Variants in RPA1 observed in about 807,000 individuals in gnomAD.
RPA1 encodes replication protein A1.
A neutral mutation model predicts 83.0 loss-of-function variants in RPA1; 49 were observed. The observed-to-expected ratio is 0.59, with a 90% CI of 0.47 to 0.75. The LOEUF (loss-of-function observed/expected upper bound fraction) is 0.75, where lower values mean the gene tolerates loss of function less well. RPA1 is among the 30% of genes least tolerant of loss of function. RPA1 has a pLI of 0.00. For missense variants in RPA1, 693 were observed against 776.1 expected (o/e 0.89, Z 1.27); for synonymous variants, 279 against 281.8 (o/e 0.99, Z 0.10).
chr17:1,836,702 C>A (rs1452771884), intron 1 of RPA1, among the ~76,000 whole-genome samples: 4 of 151,748 alleles, frequency 2.6e-5, no homozygotes, highest in African/African-American at 9.7e-5. Flanking sequence ...GTCTCTGTCA[C>A]CCAGGCTGGA....
At chr17:1,863,635 G>C (rs960667777) in intron 5 of RPA1, among the ~76,000 whole-genome samples, 1 of 152,226 alleles carries the variant, frequency 6.6e-6, no homozygotes, top group African/African-American at 2.4e-5. Flanking sequence ...GATTACGAAC[G>C]TGAGCCCCTG....
chr17:1,882,491 C>CA (rs1468939312), intron 12 of RPA1, among the ~76,000 whole-genome samples: 1 of 151,672 alleles, frequency 6.6e-6, no homozygotes, highest in South Asian at 2.1e-4. Context: ...CTCGTCTCTA[C>CA]AAAAAATACA....
At chr17:1,837,500 T>C (rs900992842) in intron 1 of RPA1, among the ~76,000 whole-genome samples, 1 of 152,240 alleles carries the variant, frequency 6.6e-6, no homozygotes, top group African/African-American at 2.4e-5. Flanking sequence ...AGGAATGTAA[T>C]TGCTGGGTCA....
chr17:1,847,543 T>C (rs1175867402), intron 4 of RPA1, among the ~76,000 whole-genome samples: 1 of 152,226 alleles, frequency 6.6e-6, no homozygotes, highest in Non-Finnish European at 1.5e-5. Context: ...GCTGGGTTTA[T>C]TTACTCCTTG....
chr17:1,879,538 C>T (rs1432082601), intron 10 of RPA1, 22 bp from the exon 11 acceptor site: 1 of 1,614,090 alleles, frequency 6.2e-7, no homozygotes, highest in Non-Finnish European at 8.5e-7. Context: ...CCACCTCCTG[C>T]TAACACGTGC....
Position 1,897,579 on chromosome 17 carries a change from G to A in RPA1, c.*404G>A. On this transcript the variant is annotated 3_prime_UTR_variant, in exon 17 of 17. Coordinates refer to ENST00000254719, the MANE Select transcript of RPA1 (RefSeq NM_002945.5). ...CCCCCCCATCCCCGCTCACAACTTG[G>A]GTTCTTCTCAGCGGGGCGAGCTGAG... 6.0e-6 allele frequency: 1 copy of A among 166,250 alleles called. No individual in the cohort carries two copies. Among genetic ancestry groups the A allele is most frequent in the Admixed American group, 5.6e-5 (1 of 17,932 alleles). 10.3% of individuals were successfully genotyped at this position (166,250 alleles called of 1,614,324 possible). A position where few individuals can be genotyped will look rare whatever the true frequency, so the allele number is the denominator to read the frequency against.
At chr17:1,830,226 GAACGCGA>G in intron 1 of RPA1, 100 bp downstream of exon 1, 2 of 599,850 alleles carry the variant, frequency 3.3e-6, no homozygotes, top group Non-Finnish European at 4.5e-6. Context: ...GACGGGGGAT[GAACGCGA>G]GGGGAGGAGA....
At chr17:1,887,652 C>A (rs904353131) in intron 13 of RPA1, among the ~76,000 whole-genome samples, 8 of 151,800 alleles carry the variant, frequency 5.3e-5, no homozygotes, top group African/African-American at 1.9e-4. Flanking sequence ...CTTCGGGAGG[C>A]CAAGGTGGGT....
chr17:1,888,885 T>G (rs755193424), intron 14 of RPA1, 34 bp downstream of exon 14: 24 of 1,593,658 alleles, frequency 1.5e-5, no homozygotes, highest in Non-Finnish European at 2.0e-5. Flanking sequence ...ACCACGGTTG[T>G]GTTCACGGAG....
intron 1 of RPA1, chr17:1,830,778 T>TC (rs11423751): frequency 0.52 from 77,527 of 150,438 alleles, 20,728 homozygotes; most frequent in Non-Finnish European, 0.58. Flanking sequence ...TCTTTTTTTT[T>TC]CTCCAGCCTG....
rs530606133 is a variant in RPA1, at chr17:1,896,980, G to A, written c.1747-91G>A. On this transcript the variant is annotated intron_variant, in intron 16 of 16. Coordinates refer to ENST00000254719, the MANE Select transcript of RPA1 (RefSeq NM_002945.5). ...TGAACCCGTGCGTCTGTTCCCTCCC[G>A]CTGGGCTCACTGAAACCACTGAAGC... is the stretch of plus-strand genomic sequence containing the variant. 7.9e-4 allele frequency: 814 copies of A among 1,036,668 alleles called. 3 individuals are homozygous for A. The highest frequency in any genetic ancestry group is 1.0e-3 in the Non-Finnish European group (710 of 678,598). 64.2% of individuals were successfully genotyped at this position (1,036,668 alleles called of 1,614,324 possible). A position where few individuals can be genotyped will look rare whatever the true frequency, so the allele number is the denominator to read the frequency against.
At chr17:1,851,138 C>T (rs1912480455) in intron 4 of RPA1, among the ~76,000 whole-genome samples, 2 of 152,144 alleles carry the variant, frequency 1.3e-5, no homozygotes, top group South Asian at 4.1e-4. Flanking sequence ...CATATTATTT[C>T]ATCCATAAAT....
intron 16 of RPA1, 65 bp downstream of exon 16, chr17:1,895,160 T>C: frequency 7.8e-7 from 1 of 1,287,112 alleles, no homozygotes; most frequent in Non-Finnish European, 1.1e-6. Flanking sequence ...TACGGCAGTG[T>C]CGTGACACTC....
rs891512148 is a variant in RPA1, at chr17:1,840,103, T to TA, written c.34-2691dup. ...TGAAGTATAGAGAAACAAAGTACAA[T>TA]AAAAAAAAAGAAAAAGAAAATGAAA... On this transcript the variant is annotated intron_variant, in intron 1 of 16. Coordinates refer to ENST00000254719, the MANE Select transcript of RPA1 (RefSeq NM_002945.5). Among the ~76,000 whole-genome samples, 58 of 150,368 alleles carry TA rather than the reference T, an allele frequency of 3.9e-4. 1 individual carries two copies. Among genetic ancestry groups the TA allele is most frequent in the East Asian group, 1.2e-3 (6 of 5,062 alleles).
At chr17:1,835,097 C>T (rs371294906) in intron 1 of RPA1, among the ~76,000 whole-genome samples, 6 of 152,012 alleles carry the variant, frequency 3.9e-5, no homozygotes, top group East Asian at 1.9e-4. Context: ...AGTGATCTGC[C>T]GCCTCGGCTT....
At chr17:1,868,910 G>A (rs998035128) in intron 5 of RPA1, among the ~76,000 whole-genome samples, 5 of 152,064 alleles carry the variant, frequency 3.3e-5, no homozygotes, top group African/African-American at 9.7e-5. Flanking sequence ...CCTATACTAT[G>A]GCTAACAATA....
At chr17:1,855,335 G>A (rs1912650095) in intron 5 of RPA1, among the ~76,000 whole-genome samples, 2 of 93,440 alleles carry the variant, frequency 2.1e-5, no homozygotes, top group African/African-American at 8.7e-5. Flanking sequence ...CTAAAATTGT[G>A]TGTGTGTGTG....
intron 4 of RPA1, among the ~76,000 whole-genome samples, chr17:1,845,168 G>C (rs897859531): frequency 4.0e-4 from 46 of 116,062 alleles, no homozygotes; most frequent in African/African-American, 1.3e-3. Flanking sequence ...TGCTTTGTGT[G>C]TGTGTGTGTG....
In RPA1 at chr17:1,885,334, G is replaced by A. The variant is rs75548781; in HGVS notation, c.1374+1390G>A. 3.6e-3 allele frequency among the ~76,000 whole-genome samples: 553 copies of A among 152,214 alleles called. 7 individuals are homozygous for A. The highest frequency in any genetic ancestry group is 0.013 in the African/African-American group (535 of 41,530). The stretch of plus-strand genomic sequence containing the variant: ...CTCCATTTGTAATTCTAGTTCTCTC[G>A]TTATTTTCGTCACATCTACAGATCC... On this transcript the variant is annotated intron_variant, in intron 13 of 16. Transcript: ENST00000254719.
Sources: allele counts gnomAD v4.1 joint callset (sites outside exome capture counted in the v4.1 genomes callset), GRCh38; gene constraint gnomAD v4.1.1; transcripts MANE v1.5; gene names NCBI Gene and HGNC (gene_info 2026-07-23, HGNC 2026-07-21).